The following MACF1 variants were observed in gnomAD, a reference collection of about 807,000 sequenced individuals.
MACF1 encodes microtubule-actin cross-linking factor 1.
In MACF1, 193 loss-of-function variants were observed where a neutral mutation model predicts 854.8. That is an observed-to-expected ratio of 0.23 (90% CI 0.20 to 0.25). MACF1 has a LOEUF of 0.25. Ranked by LOEUF, MACF1 falls within the 10% of genes least tolerant of loss-of-function variation. The probability of loss-of-function intolerance (pLI) is 1.00; values close to 1 mark genes in which losing one functional copy is unlikely to be tolerated. For synonymous variants in MACF1, 3,185 were observed against 3,226.7 expected (o/e 0.99, Z 0.44); for missense variants, 7,722 against 8,929.1 (o/e 0.86, Z 5.45).
intron 4 of MACF1, among the ~76,000 whole-genome samples, chr1:39,252,381 C>T (rs1043568549): frequency 1.3e-5 from 2 of 152,062 alleles, no homozygotes; most frequent in African/African-American, 4.8e-5. Flanking sequence ...TCATACACCC[C>T]GTCATTTGTT....
chr1:39,458,647 T>C (rs568609914), intron 90 of MACF1, 157 bp downstream of exon 90: 1 of 870,230 alleles, frequency 1.1e-6, no homozygotes, highest in Non-Finnish European at 1.7e-6. Flanking sequence ...TTTCTTACAT[T>C]GACAGACAGT....
intron 58 of MACF1, among the ~76,000 whole-genome samples, chr1:39,406,725 A>G (rs1423763608): frequency 1.4e-5 from 2 of 138,278 alleles, no homozygotes; most frequent in East Asian, 4.4e-4. Context: ...ACAGAGTGAG[A>G]CAGAGTCTCA....
intron 1 of MACF1, among the ~76,000 whole-genome samples, chr1:39,209,683 A>G (rs889466534): frequency 1.3e-5 from 2 of 152,086 alleles, no homozygotes; most frequent in African/African-American, 4.8e-5. Context: ...ATTGGGTTAT[A>G]TTAAACCTAA....
At chr1:39,290,575 G>A (rs1010738799) in intron 15 of MACF1, among the ~76,000 whole-genome samples, 8 of 111,306 alleles carry the variant, frequency 7.2e-5, no homozygotes, top group Non-Finnish European at 1.5e-4. Flanking sequence ...AGAATGTCTT[G>A]TATTTTTTAT....
intron 47 of MACF1, among the ~76,000 whole-genome samples, chr1:39,360,550 T>C (rs1454086784): frequency 6.6e-6 from 1 of 151,724 alleles, no homozygotes; most frequent in East Asian, 1.9e-4. Context: ...CTATGTTCAA[T>C]GTAGGACTGG....
intron 40 of MACF1, among the ~76,000 whole-genome samples, chr1:39,341,431 CA>C (rs113451318): frequency 2.6e-5 from 4 of 151,320 alleles, no homozygotes; most frequent in African/African-American, 9.7e-5. Flanking sequence ...CATGGCAGCT[CA>C]CACCTGTAAT....
chr1:39,275,967 T>C (rs1008227268), intron 6 of MACF1, among the ~76,000 whole-genome samples: 3 of 151,820 alleles, frequency 2.0e-5, no homozygotes, highest in Non-Finnish European at 2.9e-5. Context: ...GACACCTGGC[T>C]GGAGAGCAGT....
chr1:39,162,191 G>A (rs1374532842), intron 2 of MACF1, among the ~76,000 whole-genome samples: 28 of 151,940 alleles, frequency 1.8e-4, no homozygotes, highest in Admixed American at 1.8e-3. Context: ...TAGTAGAGAT[G>A]GGGTTTCGCC....
chr1:39,283,360 G>A lies in MACF1; in HGVS notation c.809-49G>A. 1 of 1,582,530 alleles carries A rather than the reference G, an allele frequency of 6.3e-7. No individual in the cohort carries two copies. Among genetic ancestry groups the A allele is most frequent in the South Asian group, 1.1e-5 (1 of 90,374 alleles). On this transcript the variant is annotated intron_variant, in intron 8 of 100. Transcript: ENST00000564288. This position sits in a 1 kb window ranked among gnomAD's most constrained non-coding sequence, Gnocchi z 4.5. The stretch of plus-strand genomic sequence containing the variant: ...CACGTATTCAGTATTCCTTCTTCTG[G>A]CAAGTTCCTTTGTTCTGACTAAGAA...
chr1:39,284,737 G>C (rs568922201), intron 11 of MACF1, among the ~76,000 whole-genome samples: 22 of 152,344 alleles, frequency 1.4e-4, no homozygotes, highest in African/African-American at 5.3e-4. Context: ...GGAAAGAAGA[G>C]AGACTTCTAT....
intron 58 of MACF1, among the ~76,000 whole-genome samples, chr1:39,405,591 G>A (rs562315962): frequency 1.3e-5 from 2 of 152,316 alleles, no homozygotes; most frequent in South Asian, 4.1e-4. Context: ...GACTCCACCC[G>A]GCTGTCTTTC....
Position 39,204,938 on chromosome 1 carries a change from C to A in MACF1, c.-85C>A. ...CTCTGCCTCTGCTGATAGTACAGGA[C>A]AACAGTAACCTCAGGAGAAAGGCAT... is the stretch of plus-strand genomic sequence containing the variant. On this transcript the variant is annotated 5_prime_UTR_variant, in exon 1 of 101. Coordinates refer to ENST00000564288, the MANE Select transcript of MACF1 (RefSeq NM_001394062.1). 1 of 688,568 alleles carries A rather than the reference C, an allele frequency of 1.5e-6. No homozygotes were observed. The allele number at this position is 688,568 out of a possible 1,614,324, so 42.7% of individuals were successfully genotyped here. A position where few individuals can be genotyped will look rare whatever the true frequency, so the allele number is the denominator to read the frequency against.
intron 2 of MACF1, among the ~76,000 whole-genome samples, chr1:39,241,485 C>G (rs759761438): frequency 6.6e-6 from 1 of 151,892 alleles, no homozygotes; most frequent in South Asian, 2.1e-4. Context: ...CATGGTGAAA[C>G]CCCGTCTCTA....
intron 58 of MACF1, among the ~76,000 whole-genome samples, chr1:39,389,423 G>A (rs186077423): frequency 2.0e-5 from 3 of 146,686 alleles, no homozygotes; most frequent in South Asian, 2.2e-4. Flanking sequence ...GCAGTGGGGC[G>A]ATCTAGGCTC....
At chr1:39,439,781 T>A (rs1644061410) in intron 72 of MACF1, among the ~76,000 whole-genome samples, 1 of 152,060 alleles carries the variant, frequency 6.6e-6, no homozygotes, top group Non-Finnish European at 1.5e-5. Context: ...AATTTTTGTA[T>A]TTTTAGTAGA....
At chr1:39,411,538 G>A in intron 58 of MACF1, 1 of 1,613,896 alleles carries the variant, frequency 6.2e-7, no homozygotes, top group South Asian at 1.1e-5. Flanking sequence ...TCTTACAGGT[G>A]AGGATATTCT....
intron 35 of MACF1, among the ~76,000 whole-genome samples, chr1:39,326,851 G>A (rs1352870272): frequency 2.6e-5 from 4 of 152,106 alleles, no homozygotes; most frequent in African/African-American, 9.7e-5. Context: ...AATAGGTATA[G>A]AAGGAGTAAA....
In MACF1 at chr1:39,486,605, T is replaced by G. The variant is rs1645103205; in HGVS notation, c.*811T>G. On this transcript the variant is annotated 3_prime_UTR_variant, in exon 101 of 101. Coordinates refer to ENST00000564288, the MANE Select transcript of MACF1 (RefSeq NM_001394062.1). ...GTTGGTGACATTGTGAATTTCAGATTTGTTTTATCCACTTTTTTTGCTATT... is the reference window on the plus strand; with the variant it reads ...GTTGGTGACATTGTGAATTTCAGATGTGTTTTATCCACTTTTTTTGCTATT... The G allele has an allele frequency of 6.6e-6, 1 of 152,604 alleles. No individual in the cohort carries two copies. Among genetic ancestry groups the G allele is most frequent in the Non-Finnish European group, 1.5e-5 (1 of 68,044 alleles). 9.5% of individuals were successfully genotyped at this position (152,604 alleles called of 1,614,324 possible).
chr1:39,439,715 C>A (rs1000540956), intron 72 of MACF1, among the ~76,000 whole-genome samples: 1 of 152,188 alleles, frequency 6.6e-6, no homozygotes, highest in South Asian at 2.1e-4. Flanking sequence ...AAGTGGTTCT[C>A]CTGCCTCAGC....
Sources: gnomAD v4.1 joint callset for allele counts (sites outside exome capture counted in the v4.1 genomes callset) on GRCh38, gnomAD v4.1.1 for gene constraint, Gnocchi (gnomAD v3.1) non-coding constraint, MANE v1.5 for transcripts, NCBI Gene and HGNC (gene_info 2026-07-23, HGNC 2026-07-21) for gene names.